SLC38A9: variants seen among roughly 807,000 people sequenced by gnomAD.
SLC38A9 encodes neutral amino acid transporter 9.
Under a neutral mutation model 62.3 loss-of-function variants are expected in SLC38A9, and 48 were observed. That is an observed-to-expected ratio of 0.77 (90% CI 0.61 to 0.98). The LOEUF (loss-of-function observed/expected upper bound fraction) is 0.98, where lower values mean the gene tolerates loss of function less well. Among genes scored for constraint, SLC38A9 ranks in the 50% least tolerant of loss-of-function variants. The pLI is 0.00. For missense variants in SLC38A9, 541 were observed against 679.8 expected, an observed-to-expected ratio of 0.80 and a Z score of 2.27; for synonymous variants, 204 against 227.7, an observed-to-expected ratio of 0.90 and a Z score of 0.94.
intron 9 of SLC38A9, among the ~76,000 whole-genome samples, chr5:55,653,528 T>A (rs1747895164): frequency 6.6e-6 from 1 of 152,176 alleles, no homozygotes; most frequent in Admixed American, 6.5e-5. Context: ...TGCCATGATA[T>A]CATAATCACT....
intron 8 of SLC38A9, 85 bp from the exon 9 acceptor site, chr5:55,656,859 TC>T: frequency 4.0e-6 from 2 of 500,252 alleles, no homozygotes; most frequent in Non-Finnish European, 2.9e-6. Flanking sequence ...TTTATAAAAA[TC>T]TTTTTTTTTT....
At chr5:55,706,366 G>C (rs187235602) in intron 2 of SLC38A9, among the ~76,000 whole-genome samples, 1 of 152,354 alleles carries the variant, frequency 6.6e-6, no homozygotes, top group African/African-American at 2.4e-5. Context: ...TTTAGAGAGA[G>C]AAGATCCTTT....
At chr5:55,637,422 A>T (rs2150073684) in intron 12 of SLC38A9, among the ~76,000 whole-genome samples, 1 of 152,334 alleles carries the variant, frequency 6.6e-6, no homozygotes, top group East Asian at 1.9e-4. Context: ...ACAGTCATTA[A>T]TTTTTATTAT....
chr5:55,663,185 G>A (rs1247326147), intron 8 of SLC38A9, among the ~76,000 whole-genome samples: 2 of 151,098 alleles, frequency 1.3e-5, no homozygotes. Flanking sequence ...GTGGGCCACC[G>A]TGCCTGGCCT....
chr5:55,659,774 TA>T (rs1479926689), intron 8 of SLC38A9, among the ~76,000 whole-genome samples: 2 of 151,780 alleles, frequency 1.3e-5, no homozygotes, highest in African/African-American at 2.4e-5. Context: ...TTTATTTATT[TA>T]TTTTTTTTGA....
At chr5:55,631,698 G>T (rs2058967929) in intron 14 of SLC38A9, among the ~76,000 whole-genome samples, 1 of 152,174 alleles carries the variant, frequency 6.6e-6, no homozygotes, top group Non-Finnish European at 1.5e-5. Context: ...ATTTATCGAA[G>T]AAGCAGACTA....
intron 2 of SLC38A9, among the ~76,000 whole-genome samples, chr5:55,710,945 C>T (rs1000991138): frequency 2.0e-5 from 3 of 151,884 alleles, no homozygotes; most frequent in Non-Finnish European, 2.9e-5. Context: ...TCTTTCTCCT[C>T]AGCAGCTGCC....
At position 55,655,088 on chromosome 5, in the gene SLC38A9, C is replaced by T. The variant is rs143070360; in HGVS notation, c.757+1627G>A. Among the ~76,000 whole-genome samples the T allele has an allele frequency of 1.4e-3, 214 of 152,306 alleles. 1 individual carries two copies. The highest frequency in any genetic ancestry group is 5.0e-3 in the African/African-American group (206 of 41,570). ...CTCCTGGGCTCAAGCAATCCTCCTG[C>T]CTCGGCCTCCCAAAGTGTTAGAATC... On this transcript the variant is annotated intron_variant, in intron 9 of 15. Transcript: ENST00000396865.
Position 55,677,723 on chromosome 5 carries a change from TTG to T in SLC38A9, c.114-5030_114-5029del, listed in dbSNP as rs1453117360. Among the ~76,000 whole-genome samples the T allele has an allele frequency of 5.2e-4, 50 of 96,718 alleles. 1 individual carries two copies. The highest frequency in any genetic ancestry group is 3.0e-3 in the South Asian group (7 of 2,334). The allele number at this position is 96,718 out of a possible 152,430, so 63.5% of individuals were successfully genotyped here. A position where few individuals can be genotyped will look rare whatever the true frequency, so the allele number is the denominator to read the frequency against. ...ATTAAAAAAAAAAATTTTTTTTTTT[TTG>T]GTAGAGATGGGGCTGTTATGTTGCC... is the stretch of plus-strand genomic sequence containing the variant. On this transcript the variant is annotated intron_variant, in intron 3 of 15. Coordinates refer to ENST00000396865, the MANE Select transcript of SLC38A9 (RefSeq NM_173514.4).
intron 3 of SLC38A9, among the ~76,000 whole-genome samples, chr5:55,691,026 G>C (rs1754653837): frequency 6.6e-6 from 1 of 152,148 alleles, no homozygotes; most frequent in African/African-American, 2.4e-5. Flanking sequence ...CCAATTTACA[G>C]ATGTGCACGC....
Position 55,649,221 on chromosome 5 carries a change from T to C in SLC38A9, c.1046A>G (p.Glu349Gly), listed in dbSNP as rs760411741. 1 of 1,590,754 alleles carries C rather than the reference T, an allele frequency of 6.3e-7. No individual in the cohort carries two copies. Among genetic ancestry groups the C allele is most frequent in the Non-Finnish European group, 8.5e-7 (1 of 1,170,672 alleles). ...HLEFHWFIPT[E>G]FFVPEIRFQF... ...AAAAAGCTCACCTGGTACAAAAAAT[T>C]CTGTTGGTATAAACCAATGAAATTC... The change falls in exon 11 of 16, where the codon GAA becomes GGA. Residue 349 changes from glutamate (E) to glycine (G), a missense_variant. Physicochemically the swap from Glu to Gly is moderately conservative, Grantham distance 98. Coordinates refer to ENST00000396865, the MANE Select transcript of SLC38A9 (RefSeq NM_173514.4).
intron 4 of SLC38A9, 71 bp downstream of exon 4, chr5:55,672,492 T>C (rs968821751): frequency 7.8e-6 from 12 of 1,529,808 alleles, no homozygotes; most frequent in Non-Finnish European, 9.7e-6. Context: ...CACTGGGAGG[T>C]GCCCTGGCTT....
At chr5:55,649,382 C>T (rs1194827202) in intron 10 of SLC38A9, 68 bp from the exon 11 acceptor site, 5 of 955,556 alleles carry the variant, frequency 5.2e-6, no homozygotes, top group Non-Finnish European at 7.6e-6. Flanking sequence ...TAAAATCAAG[C>T]ATTGTTTCCA....
At position 55,672,600 on chromosome 5, in the gene SLC38A9, T is replaced by G. The variant is rs1459426129; in HGVS notation, c.209A>C (p.Tyr70Ser). ...HASAMNKRIHYYSRLTTPADK... is the reference protein window; with the variant it reads ...HASAMNKRIHSYSRLTTPADK... ...TGCAGGAGTGGTGAGCCGGCTGTAG[T>G]AATGAATTCTCTTGTTCATGGCAGA... Residue 70 changes from tyrosine (Y) to serine (S), a missense_variant, in exon 4 of 16, where the codon TAC (tyrosine) becomes TCC (serine). Coordinates refer to ENST00000396865, the MANE Select transcript of SLC38A9 (RefSeq NM_173514.4). 2 of 1,614,074 alleles carry G rather than the reference T, an allele frequency of 1.2e-6. No individual in the cohort carries two copies. Among genetic ancestry groups the G allele is most frequent in the African/African-American group, 2.7e-5 (2 of 74,942 alleles).
chr5:55,688,469 T>C (rs1029375190), intron 3 of SLC38A9, among the ~76,000 whole-genome samples: 1 of 145,544 alleles, frequency 6.9e-6, no homozygotes, highest in Admixed American at 7.2e-5. Flanking sequence ...AAGCTCTGCC[T>C]CCCGGGTTCA....
At chr5:55,654,278 C>T (rs535751146) in intron 9 of SLC38A9, among the ~76,000 whole-genome samples, 10 of 152,048 alleles carry the variant, frequency 6.6e-5, no homozygotes, top group South Asian at 4.2e-4. Context: ...TTTTCTTCTA[C>T]GCTCTAGACA....
chr5:55,694,488 CTG>C (rs3042030), intron 3 of SLC38A9, among the ~76,000 whole-genome samples: 90,667 of 151,140 alleles, frequency 0.6, 27,703 homozygotes, highest in South Asian at 0.7. Flanking sequence ...AAGGACAATT[CTG>C]TGTGTGTGTG....
chr5:55,671,946 CA>C (rs1214886456), intron 4 of SLC38A9, among the ~76,000 whole-genome samples: 1 of 152,124 alleles, frequency 6.6e-6, no homozygotes, highest in African/African-American at 2.4e-5. Context: ...ATCCTGGGCT[CA>C]AGGGATCCTC....
At chr5:55,672,148 G>C (rs1751431679) in intron 4 of SLC38A9, among the ~76,000 whole-genome samples, 1 of 152,008 alleles carries the variant, frequency 6.6e-6, no homozygotes, top group Non-Finnish European at 1.5e-5. Flanking sequence ...CACTGTGCTT[G>C]GCCAGTTTCC....
Sources: gnomAD v4.1 joint callset for allele counts (sites outside exome capture counted in the v4.1 genomes callset) on GRCh38, gnomAD v4.1.1 for gene constraint, MANE v1.5 for transcripts, NCBI Gene and HGNC (gene_info 2026-07-23, HGNC 2026-07-21) for gene names.